CNTN5: variants seen among roughly 807,000 people sequenced by gnomAD.
The protein encoded by CNTN5 is contactin-5.
CNTN5 carries 77 observed loss-of-function variants against 129.1 expected under a neutral mutation model. The observed-to-expected ratio is 0.60, with a 90% CI of 0.50 to 0.72. The LOEUF is 0.72. Among genes scored for constraint, CNTN5 ranks in the 30% least tolerant of loss-of-function variants. The pLI, the probability that CNTN5 is intolerant of heterozygous loss-of-function variation, is 0.00. For missense variants in CNTN5, 1,478 were observed against 1,328.8 expected (o/e 1.11, Z -1.75); for synonymous variants, 509 against 465.6 (o/e 1.09, Z -1.20).
At chr11:99,771,172 C>G (rs1944932531) in intron 3 of CNTN5, among the ~76,000 whole-genome samples, 1 of 152,042 alleles carries the variant, frequency 6.6e-6, no homozygotes, top group East Asian at 1.9e-4. Context: ...TCTCAAGTAG[C>G]TGAAACAAAC....
intron 2 of CNTN5, among the ~76,000 whole-genome samples, chr11:99,467,441 A>G (rs1358958580): frequency 6.6e-6 from 1 of 152,178 alleles, no homozygotes; most frequent in African/African-American, 2.4e-5. Flanking sequence ...CGTCTTCTAA[A>G]CAACTTTCTT....
chr11:99,941,859 G>T (rs1242579314), intron 7 of CNTN5, among the ~76,000 whole-genome samples: 1 of 151,976 alleles, frequency 6.6e-6, no homozygotes, highest in African/African-American at 2.4e-5. Flanking sequence ...AAAGAGTCAG[G>T]CAAAATCATG....
chr11:100,331,244 T>G (rs953624870), intron 21 of CNTN5, among the ~76,000 whole-genome samples: 1 of 152,098 alleles, frequency 6.6e-6, no homozygotes, highest in Admixed American at 6.5e-5. Context: ...AAGAGGGATA[T>G]TATATAATGA....
chr11:100,117,856 C>A (rs1174563014), intron 13 of CNTN5, among the ~76,000 whole-genome samples: 4 of 151,574 alleles, frequency 2.6e-5, no homozygotes, highest in African/African-American at 9.7e-5. Context: ...CAATTGAATA[C>A]CGTACTTCTC....
chr11:99,458,661 A>G (rs1374639316), intron 2 of CNTN5, among the ~76,000 whole-genome samples: 2 of 152,000 alleles, frequency 1.3e-5, no homozygotes, highest in Non-Finnish European at 2.9e-5. Context: ...TGCCTTTCTG[A>G]ACCCAAGCGA....
At chr11:100,002,201 G>T in intron 9 of CNTN5, 65 bp downstream of exon 9, 3 of 1,096,540 alleles carry the variant, frequency 2.7e-6, no homozygotes, top group Non-Finnish European at 3.8e-6. Context: ...TCTTATTTTT[G>T]GATCACTTAT....
At chr11:99,660,158 G>GA (rs1401174653) in intron 3 of CNTN5, among the ~76,000 whole-genome samples, 1 of 151,974 alleles carries the variant, frequency 6.6e-6, no homozygotes, top group Non-Finnish European at 1.5e-5. Context: ...AAAAATACAA[G>GA]AAAATCTAGG....
chr11:100,126,478 A>G (rs1946186744), intron 13 of CNTN5, among the ~76,000 whole-genome samples: 1 of 152,100 alleles, frequency 6.6e-6, no homozygotes, highest in South Asian at 2.1e-4. Context: ...GTTCATATAT[A>G]TTTAGGATAG....
At chr11:100,311,899 G>A (rs890817618) in intron 21 of CNTN5, among the ~76,000 whole-genome samples, 1 of 152,120 alleles carries the variant, frequency 6.6e-6, no homozygotes, top group Non-Finnish European at 1.5e-5. Flanking sequence ...CACTAGATCA[G>A]CTTCATTCAA....
intron 3 of CNTN5, among the ~76,000 whole-genome samples, chr11:99,782,532 C>A (rs1349636664): frequency 6.6e-6 from 1 of 151,548 alleles, no homozygotes; most frequent in East Asian, 2.0e-4. Context: ...CAATCCTAAG[C>A]CAAAAGAACA....
intron 1 of CNTN5, among the ~76,000 whole-genome samples, chr11:99,321,810 T>C (rs1186263046): frequency 2.0e-5 from 3 of 152,146 alleles, no homozygotes; most frequent in African/African-American, 7.2e-5. Context: ...ACAGAGGTAG[T>C]AGGTAGATCA....
intron 17 of CNTN5, among the ~76,000 whole-genome samples, chr11:100,267,080 G>T (rs546075897): frequency 6.6e-6 from 1 of 152,172 alleles, no homozygotes; most frequent in South Asian, 2.1e-4. Context: ...TAAATTAAAT[G>T]GAGTAAGAGG....
chr11:99,074,709 G>T (rs1437844188), intron 1 of CNTN5, among the ~76,000 whole-genome samples: 3 of 152,068 alleles, frequency 2.0e-5, no homozygotes, highest in Admixed American at 6.6e-5. Context: ...TTATAAAGAG[G>T]CTGGTGTATA....
chr11:99,796,005 G>A (rs958805919), intron 3 of CNTN5, among the ~76,000 whole-genome samples: 1 of 152,120 alleles, frequency 6.6e-6, no homozygotes, highest in African/African-American at 2.4e-5. Context: ...CATTAGCTGG[G>A]GTGGGGCACT....
At chr11:100,072,827 C>T (rs537475710) in intron 12 of CNTN5, among the ~76,000 whole-genome samples, 7 of 152,126 alleles carry the variant, frequency 4.6e-5, no homozygotes. Flanking sequence ...TCTAAACAAT[C>T]AAATGTTAAT....
intron 8 of CNTN5, among the ~76,000 whole-genome samples, chr11:99,970,508 A>G (rs1394481504): frequency 6.6e-6 from 1 of 152,182 alleles, no homozygotes; most frequent in Non-Finnish European, 1.5e-5. Flanking sequence ...GAACATGGGG[A>G]TAATATTGGT....
intron 21 of CNTN5, among the ~76,000 whole-genome samples, chr11:100,339,292 T>C (rs186910510): frequency 5.6e-4 from 85 of 152,054 alleles, no homozygotes; most frequent in African/African-American, 2.0e-3. Context: ...TGAGGTCATA[T>C]GGATGAACTG....
chr11:100,070,437 G>C lies in CNTN5; in HGVS notation c.1176G>C (p.Trp392Cys). The change falls in exon 11 of 25, where the codon TGG (tryptophan) becomes TGC (cysteine). Residue 392 changes from tryptophan (W) to cysteine (C), a missense_variant. Transcript: ENST00000524871. ...ACATACTTACAGCCTACCCACACTGGGTAGAAAAACTGAATGATACTCAGT... is the reference window on the plus strand; with the variant it reads ...ACATACTTACAGCCTACCCACACTGCGTAGAAAAACTGAATGATACTCAGT... Reference protein sequence around the residue: ...GQLQVYTYPHWVEKLNDTQLD... With the variant: ...GQLQVYTYPHCVEKLNDTQLD... The C allele has an allele frequency of 6.2e-7, 1 of 1,611,844 alleles. No individual in the cohort carries two copies. The highest frequency in any genetic ancestry group is 8.5e-7 in the Non-Finnish European group (1 of 1,178,846).
At chr11:100,301,424 T>C (rs1213238911) in intron 20 of CNTN5, among the ~76,000 whole-genome samples, 1 of 151,626 alleles carries the variant, frequency 6.6e-6, no homozygotes, top group Admixed American at 6.6e-5. Context: ...TCAAGCTAGA[T>C]AGAAAATATG....
Sources: gnomAD v4.1 joint callset for allele counts (sites outside exome capture counted in the v4.1 genomes callset) on GRCh38, gnomAD v4.1.1 for gene constraint, MANE v1.5 for transcripts, NCBI Gene and HGNC (gene_info 2026-07-23, HGNC 2026-07-21) for gene names.